The following SPAG9 variants were observed in gnomAD, a reference collection of about 807,000 sequenced individuals.
SPAG9 encodes the protein sperm associated antigen 9, also known as C-Jun-amino-terminal kinase-interacting protein 4.
In SPAG9, 35 loss-of-function variants were observed where a neutral mutation model predicts 166.5. The observed-to-expected ratio is 0.21, with a 90% CI of 0.16 to 0.28. SPAG9 has a LOEUF of 0.28. Ranked by LOEUF, SPAG9 falls within the 10% of genes least tolerant of loss-of-function variation. SPAG9 has a pLI of 1.00. For missense variants in SPAG9, 1,235 were observed against 1,603.3 expected (o/e 0.77, Z 3.92); for synonymous variants, 534 against 565.5 (o/e 0.94, Z 0.79).
At chr17:51,012,758 A>ATTTG (rs2045543369) in intron 9 of SPAG9, among the ~76,000 whole-genome samples, 1 of 142,618 alleles carries the variant, frequency 7.0e-6, no homozygotes. Flanking sequence ...TTATTTATTT[A>ATTTG]TTTTTATGAG....
At chr17:50,981,585 C>T (rs972455265) in intron 25 of SPAG9, among the ~76,000 whole-genome samples, 2 of 151,458 alleles carry the variant, frequency 1.3e-5, no homozygotes, top group East Asian at 3.9e-4. Flanking sequence ...AAACAAACAC[C>T]AAATGGTTGA....
intron 1 of SPAG9, among the ~76,000 whole-genome samples, chr17:51,107,300 GCA>G (rs1431937594): frequency 6.6e-6 from 1 of 151,902 alleles, no homozygotes; most frequent in Non-Finnish European, 1.5e-5. Context: ...TGCAATCCCA[GCA>G]CCTTGGGAGG....
intron 27 of SPAG9, chr17:50,975,939 G>A: frequency 5.4e-6 from 8 of 1,479,298 alleles, no homozygotes; most frequent in Non-Finnish European, 7.3e-6. Flanking sequence ...ATGGAGAGGT[G>A]CATGACAGGG....
Position 51,021,256 on chromosome 17 carries a change from T to C in SPAG9, c.893A>G (p.Asn298Ser), listed in dbSNP as rs1374822878. 3.1e-6 allele frequency: 5 copies of C among 1,614,164 alleles called. No individual in the cohort carries two copies. Among genetic ancestry groups the C allele is most frequent in the Non-Finnish European group, 3.4e-6 (4 of 1,179,996 alleles). ...IPTDTPLKEE[N>S]EGFVKVTDAP... is the part of the protein sequence containing the mutation. ...ATCTGTAACCTTCACAAATCCTTCG[T>C]TTTCTTCCTTTAAGGGAGTATCAGT... The change falls in exon 7 of 30, where the codon AAC (asparagine) becomes AGC (serine). Residue 298 changes from asparagine to serine, a missense_variant. Asn to Ser is a conservative substitution (Grantham distance 46). Coordinates refer to ENST00000262013, the MANE Select transcript of SPAG9 (RefSeq NM_001130528.3).
chr17:51,024,688 G>C (rs545097330), intron 6 of SPAG9, among the ~76,000 whole-genome samples: 112 of 150,180 alleles, frequency 7.5e-4, no homozygotes, highest in African/African-American at 2.6e-3. Flanking sequence ...ACTCCAGTCT[G>C]GGCAAAAAGA....
chr17:51,037,685 A>ATATATATATAGT, intron 5 of SPAG9, among the ~76,000 whole-genome samples: 1,764 of 83,380 alleles, frequency 0.021, 37 homozygotes, highest in Non-Finnish European at 0.034. Flanking sequence ...ATATATATAT[A>ATATATATATAGT]GTGTGTGTGT....
chr17:51,006,836 A>C (rs576041784), intron 10 of SPAG9, among the ~76,000 whole-genome samples: 1 of 152,344 alleles, frequency 6.6e-6, no homozygotes, highest in South Asian at 2.1e-4. Flanking sequence ...ATTGCACCCA[A>C]GAATGCACAG....
chr17:51,051,044 C>A (rs376078281), intron 3 of SPAG9, among the ~76,000 whole-genome samples: 21 of 115,026 alleles, frequency 1.8e-4, no homozygotes, highest in South Asian at 5.7e-4. Context: ...AAAAAAAAAA[C>A]AAAAAGAAAA....
chr17:50,987,399 G>C (rs1013151764), intron 21 of SPAG9, among the ~76,000 whole-genome samples, 162 bp from the exon 22 acceptor site: 1 of 151,936 alleles, frequency 6.6e-6, no homozygotes, highest in African/African-American at 2.4e-5. Flanking sequence ...GAGTACAGTG[G>C]CACAATCAGG....
chr17:51,030,401 TAA>T (rs2046339324), intron 6 of SPAG9, among the ~76,000 whole-genome samples: 1 of 152,100 alleles, frequency 6.6e-6, no homozygotes, highest in Non-Finnish European at 1.5e-5. Context: ...CAAATGAAAA[TAA>T]AGACAAAACT....
intron 25 of SPAG9, among the ~76,000 whole-genome samples, chr17:50,981,055 T>C (rs911916168): frequency 2.6e-5 from 4 of 152,080 alleles, no homozygotes; most frequent in African/African-American, 9.7e-5. Context: ...GAACCCACGC[T>C]GCTGTATATG....
Position 50,984,983 on chromosome 17 carries a change from T to C in SPAG9, c.3028A>G (p.Lys1010Glu). The C allele has an allele frequency of 6.2e-7, 1 of 1,614,116 alleles. No individual in the cohort carries two copies. Among genetic ancestry groups the C allele is most frequent in the Non-Finnish European group, 8.5e-7 (1 of 1,179,964 alleles). Residue 1010 changes from lysine to glutamate, a missense_variant, in exon 24 of 30, where the codon AAG becomes GAG. This residue lies in a region of SPAG9 where 493 missense variants were observed against 559.4 expected (regional missense o/e 0.88). Coordinates refer to ENST00000262013, the MANE Select transcript of SPAG9 (RefSeq NM_001130528.3). Reference sequence around the variant, plus strand: ...GCCAGGGCTACTAACACGATTCCCTTCACGTGTCTGCAAACAGGAAAGGGG... The same window carrying C: ...GCCAGGGCTACTAACACGATTCCCTCCACGTGTCTGCAAACAGGAAAGGGG... The part of the protein sequence containing the change: ...KDSILSIVHV[K>E]GIVLVALADG...
intron 25 of SPAG9, among the ~76,000 whole-genome samples, chr17:50,981,018 A>C (rs1331984277): frequency 9.9e-5 from 15 of 152,200 alleles, no homozygotes; most frequent in Non-Finnish European, 1.9e-4. Flanking sequence ...AACAAACAAA[A>C]ATACCAAAAT....
intron 19 of SPAG9, among the ~76,000 whole-genome samples, chr17:50,992,186 C>T (rs1458391068): frequency 6.6e-6 from 1 of 151,736 alleles, no homozygotes. Flanking sequence ...CCATGGCCGG[C>T]CTATTTCTAA....
intron 6 of SPAG9, 111 bp downstream of exon 6, chr17:51,031,568 AAT>A (rs1178908016): frequency 1.2e-6 from 1 of 802,496 alleles, no homozygotes; most frequent in Middle Eastern, 2.2e-4. Flanking sequence ...GAATTACAAC[AAT>A]AGTCTTCCAA....
chr17:51,017,394 T>C (rs76460797), intron 8 of SPAG9, among the ~76,000 whole-genome samples: 10,733 of 152,154 alleles, frequency 0.071, 403 homozygotes, highest in Non-Finnish European at 0.089. Flanking sequence ...TAAGAAGTGA[T>C]AGAGTTGTGC....
chr17:51,120,488 C>T lies in SPAG9; in HGVS notation c.169G>A (p.Val57Met), dbSNP rs866133587. The change falls in exon 1 of 30, where the codon GTG (valine) becomes ATG (methionine). Residue 57 changes from valine to methionine, a missense_variant. Coordinates refer to ENST00000262013, the MANE Select transcript of SPAG9 (RefSeq NM_001130528.3). The surrounding 1 kb of genome is among the most constrained non-coding windows in gnomAD (Gnocchi z 4.7). Reference sequence around the variant, plus strand: ...AACACCGAGTCCAGGTTCTCCAGCACAGCCACCACCAGCGGCATCAGCTCT... The same window carrying T: ...AACACCGAGTCCAGGTTCTCCAGCATAGCCACCACCAGCGGCATCAGCTCT... ...VKELMPLVVAVLENLDSVFAQ... is the reference protein window; with the variant it reads ...VKELMPLVVAMLENLDSVFAQ... 2 of 1,614,020 alleles carry T rather than the reference C, an allele frequency of 1.2e-6. No homozygotes were observed.
intron 22 of SPAG9, among the ~76,000 whole-genome samples, chr17:50,986,348 T>C (rs1453564161): frequency 2.0e-5 from 3 of 152,240 alleles, no homozygotes; most frequent in South Asian, 2.1e-4. Context: ...CTCTTCACTT[T>C]ATAGTATTGG....
intron 3 of SPAG9, among the ~76,000 whole-genome samples, chr17:51,053,847 AAAAAAAAGTATATATAT>A (rs2047253578): frequency 1.3e-5 from 1 of 74,480 alleles, no homozygotes; most frequent in African/African-American, 6.4e-5. Flanking sequence ...AAAAAAAAAA[AAAAAAAAGTATATATAT>A]ATATATATAT....
Sources: allele counts gnomAD v4.1 joint callset (sites outside exome capture counted in the v4.1 genomes callset), GRCh38; gene constraint gnomAD v4.1.1; regional missense constraint gnomAD v4.1.1; non-coding constraint Gnocchi (gnomAD v3.1); transcripts MANE v1.5; gene names NCBI Gene and HGNC (gene_info 2026-07-23, HGNC 2026-07-21).